Variants in TMOD1 observed in about 807,000 individuals in gnomAD.
The protein encoded by TMOD1 is tropomodulin 1.
TMOD1 carries 17 observed loss-of-function variants against 40.6 expected under a neutral mutation model. The ratio of observed to expected loss-of-function variants is 0.42; its 90% confidence interval spans 0.29 to 0.63. TMOD1 has a LOEUF of 0.63. Among genes scored for constraint, TMOD1 ranks in the 20% least tolerant of loss-of-function variants. The probability of loss-of-function intolerance (pLI) is 0.22; values close to 1 mark genes in which losing one functional copy is unlikely to be tolerated. For synonymous variants in TMOD1, 181 were observed against 175.0 expected, an observed-to-expected ratio of 1.03 and a Z score of -0.27; for missense variants, 391 against 447.6, an observed-to-expected ratio of 0.87 and a Z score of 1.14.
intron 8 of TMOD1, among the ~76,000 whole-genome samples, chr9:97,570,065 T>C (rs1428215184): frequency 7.2e-5 from 11 of 152,216 alleles, no homozygotes; most frequent in Admixed American, 7.2e-4. Context: ...TGAGTGAGAC[T>C]ATCACAAGTT....
At chr9:97,520,972 C>T (rs962529632) in intron 1 of TMOD1, among the ~76,000 whole-genome samples, 2 of 152,186 alleles carry the variant, frequency 1.3e-5, no homozygotes, top group Admixed American at 1.3e-4. Flanking sequence ...CTGTCCATGA[C>T]TCTTTTTCTA....
intron 1 of TMOD1, among the ~76,000 whole-genome samples, chr9:97,505,153 G>A (rs1829572447): frequency 6.6e-6 from 1 of 152,190 alleles, no homozygotes; most frequent in African/African-American, 2.4e-5. Flanking sequence ...GTGTTGCTGG[G>A]TTTTTGTCTG....
intron 9 of TMOD1, among the ~76,000 whole-genome samples, chr9:97,593,773 G>A (rs922558243): frequency 2.6e-5 from 4 of 152,086 alleles, no homozygotes; most frequent in African/African-American, 4.8e-5. Context: ...GAAGAGATAG[G>A]TTGATGGAGG....
chr9:97,597,787 G>A (rs922060814), intron 9 of TMOD1, among the ~76,000 whole-genome samples: 1 of 151,626 alleles, frequency 6.6e-6, no homozygotes, highest in African/African-American at 2.4e-5. Flanking sequence ...ATGAGGGCAA[G>A]TAATGGAAAA....
chr9:97,568,683 T>C (rs1830770674), intron 7 of TMOD1, among the ~76,000 whole-genome samples: 1 of 152,172 alleles, frequency 6.6e-6, no homozygotes, highest in African/African-American at 2.4e-5. Flanking sequence ...AAGCTTTGCA[T>C]GTAGGCTAAG....
intron 2 of TMOD1, among the ~76,000 whole-genome samples, chr9:97,526,951 G>A (rs916942457): frequency 6.6e-6 from 1 of 152,148 alleles, no homozygotes; most frequent in African/African-American, 2.4e-5. Context: ...AGGCCCCATA[G>A]AATTACACAT....
intron 1 of TMOD1, among the ~76,000 whole-genome samples, chr9:97,515,209 A>AAC (rs1260848130): frequency 2.0e-5 from 3 of 151,472 alleles, no homozygotes; most frequent in Non-Finnish European, 2.9e-5. Flanking sequence ...ATGAAAAAAA[A>AAC]AAAAACAAAC....
chr9:97,508,203 T>C (rs1417576927), intron 1 of TMOD1, among the ~76,000 whole-genome samples: 1 of 152,000 alleles, frequency 6.6e-6, no homozygotes, highest in Non-Finnish European at 1.5e-5. Flanking sequence ...TTTCTTTTTT[T>C]TTTGAGACAG....
At chr9:97,537,291 CAT>C (rs1344601568) in intron 2 of TMOD1, among the ~76,000 whole-genome samples, 3 of 152,186 alleles carry the variant, frequency 2.0e-5, no homozygotes, top group African/African-American at 4.8e-5. Flanking sequence ...CATGTCTGCA[CAT>C]GTGTGCACAT....
intron 1 of TMOD1, among the ~76,000 whole-genome samples, chr9:97,514,243 G>GGT (rs1829761585): frequency 3.5e-5 from 5 of 143,334 alleles, no homozygotes; most frequent in Non-Finnish European, 6.0e-5. Context: ...TTTTTTTTGG[G>GGT]GGGGGGGTTG....
chr9:97,578,630 G>A (rs1825672294), intron 8 of TMOD1, among the ~76,000 whole-genome samples: 2 of 152,100 alleles, frequency 1.3e-5, no homozygotes, highest in African/African-American at 2.4e-5. Flanking sequence ...TAAGCCGAGG[G>A]AGCATGGTCC....
At chr9:97,539,139 T>C (rs542757675) in intron 2 of TMOD1, among the ~76,000 whole-genome samples, 2 of 152,362 alleles carry the variant, frequency 1.3e-5, no homozygotes, top group East Asian at 1.9e-4. Context: ...TTAATTTCTC[T>C]TTGTGGGATC....
chr9:97,584,521 C>T (rs1263360200), intron 8 of TMOD1, among the ~76,000 whole-genome samples: 1 of 151,948 alleles, frequency 6.6e-6, no homozygotes, highest in Non-Finnish European at 1.5e-5. Flanking sequence ...TTAGGTCCGC[C>T]TGGTGCAGAG....
intron 9 of TMOD1, among the ~76,000 whole-genome samples, chr9:97,599,349 T>G (rs1240997655): frequency 6.6e-6 from 1 of 152,164 alleles, no homozygotes; most frequent in Non-Finnish European, 1.5e-5. Flanking sequence ...CAACTGGAGC[T>G]TCTGTAAGCA....
chr9:97,581,217 T>C (rs1042986272), intron 8 of TMOD1, among the ~76,000 whole-genome samples: 34 of 138,080 alleles, frequency 2.5e-4, no homozygotes, highest in Admixed American at 2.3e-3. Context: ...ATTGTTCAAT[T>C]CCCACCTATG....
chr9:97,599,315 T>C (rs1344691016), intron 9 of TMOD1, among the ~76,000 whole-genome samples: 1 of 152,174 alleles, frequency 6.6e-6, no homozygotes, highest in Non-Finnish European at 1.5e-5. Flanking sequence ...TTAACTCTTA[T>C]CTGAACACCG....
intron 6 of TMOD1, 48 bp from the exon 7 acceptor site, chr9:97,565,800 C>G (rs1402883766): frequency 1.3e-6 from 2 of 1,488,032 alleles, no homozygotes; most frequent in Non-Finnish European, 1.9e-6. Context: ...CTCAGCCTGT[C>G]CCAGAGGAGG....
intron 8 of TMOD1, among the ~76,000 whole-genome samples, chr9:97,589,631 A>G (rs551653946): frequency 4.6e-5 from 7 of 152,210 alleles, no homozygotes; most frequent in South Asian, 2.1e-4. Flanking sequence ...AATTTTCTAT[A>G]TACAACATTA....
At chr9:97,518,073 A>G (rs556241459) in intron 1 of TMOD1, among the ~76,000 whole-genome samples, 2 of 152,172 alleles carry the variant, frequency 1.3e-5, no homozygotes, top group African/African-American at 4.8e-5. Flanking sequence ...TCTCTTCACC[A>G]CAGCTGCCCC....
Sources: allele counts gnomAD v4.1 joint callset (sites outside exome capture counted in the v4.1 genomes callset), GRCh38; gene constraint gnomAD v4.1.1; transcripts MANE v1.5; gene names NCBI Gene and HGNC (gene_info 2026-07-23, HGNC 2026-07-21).